The following COG5 variants were observed in gnomAD, a reference collection of about 807,000 sequenced individuals.
COG5 encodes component of oligomeric golgi complex 5.
A neutral mutation model predicts 110.4 loss-of-function variants in COG5; 86 were observed. The observed-to-expected ratio is 0.78, with a 90% confidence interval of 0.65 to 0.93. The LOEUF (loss-of-function observed/expected upper bound fraction) is 0.93, where lower values mean the gene tolerates loss of function less well. Ranked by LOEUF, COG5 falls within the 40% of genes least tolerant of loss-of-function variation. The probability of loss-of-function intolerance (pLI) is 0.00; values close to 1 mark genes in which losing one functional copy is unlikely to be tolerated. For missense variants in COG5, 1,077 were observed against 987.0 expected (o/e 1.09, Z -1.22); for synonymous variants, 360 against 334.6 (o/e 1.08, Z -0.83).
chr7:107,525,697 C>A (rs1047885420), intron 6 of COG5, among the ~76,000 whole-genome samples: 7 of 152,092 alleles, frequency 4.6e-5, no homozygotes, highest in Non-Finnish European at 1.0e-4. Context: ...AGACTGCAGG[C>A]ACATGCTATG....
intron 16 of COG5, among the ~76,000 whole-genome samples, chr7:107,252,438 T>C (rs1210120003): frequency 1.3e-5 from 2 of 152,092 alleles, no homozygotes; most frequent in African/African-American, 4.8e-5. Flanking sequence ...CAGACCCAGA[T>C]AGCTTCACTG....
At chr7:107,234,570 T>C (rs1239520778) in intron 18 of COG5, among the ~76,000 whole-genome samples, 1 of 152,090 alleles carries the variant, frequency 6.6e-6, no homozygotes, top group Non-Finnish European at 1.5e-5. Flanking sequence ...CCTACAGCAC[T>C]CTCGTTTTGG....
intron 14 of COG5, among the ~76,000 whole-genome samples, chr7:107,276,097 G>T (rs1804684926): frequency 6.6e-6 from 1 of 152,046 alleles, no homozygotes; most frequent in Non-Finnish European, 1.5e-5. Flanking sequence ...CAAATGGTCT[G>T]CAACCTGATT....
intron 2 of COG5, among the ~76,000 whole-genome samples, chr7:107,556,706 T>C (rs1000091198): frequency 1.3e-5 from 2 of 152,150 alleles, no homozygotes. Context: ...AGCCAAGAAA[T>C]GTATTCTATT....
intron 19 of COG5, among the ~76,000 whole-genome samples, chr7:107,225,696 A>C (rs1800283569): frequency 1.3e-5 from 2 of 152,132 alleles, no homozygotes; most frequent in Admixed American, 6.5e-5. Context: ...TATCTTTTGT[A>C]AAGACAGAGT....
chr7:107,346,303 G>A (rs189030433), intron 10 of COG5, among the ~76,000 whole-genome samples: 109 of 152,186 alleles, frequency 7.2e-4, no homozygotes, highest in African/African-American at 2.5e-3. Flanking sequence ...GATATTTTCT[G>A]TTAATATTTC....
chr7:107,464,754 T>C (rs1312938524), intron 6 of COG5, among the ~76,000 whole-genome samples: 1 of 152,130 alleles, frequency 6.6e-6, no homozygotes, highest in African/African-American at 2.4e-5. Flanking sequence ...TTACCCATGA[T>C]GCAGCAAGCA....
At chr7:107,458,850 A>T (rs1281767128) in intron 6 of COG5, among the ~76,000 whole-genome samples, 1 of 152,040 alleles carries the variant, frequency 6.6e-6, no homozygotes, top group African/African-American at 2.4e-5. Flanking sequence ...CAGAGTGAGA[A>T]TTCATGTATT....
intron 6 of COG5, among the ~76,000 whole-genome samples, chr7:107,505,450 T>C (rs1272513757): frequency 6.6e-6 from 1 of 152,184 alleles, no homozygotes; most frequent in Non-Finnish European, 1.5e-5. Context: ...TCTCATGCAA[T>C]CCTGCACTTG....
chr7:107,479,611 G>C (rs192863662), intron 6 of COG5, among the ~76,000 whole-genome samples: 1 of 152,106 alleles, frequency 6.6e-6, no homozygotes, highest in Non-Finnish European at 1.5e-5. Context: ...ATGACCATAA[G>C]GAAGACCATA....
At chr7:107,377,513 A>G (rs1814738069) in intron 7 of COG5, among the ~76,000 whole-genome samples, 1 of 152,060 alleles carries the variant, frequency 6.6e-6, no homozygotes, top group Non-Finnish European at 1.5e-5. Context: ...TAATCTTGTT[A>G]AGTAACTAAA....
At chr7:107,449,927 T>A (rs1795234381) in intron 6 of COG5, among the ~76,000 whole-genome samples, 1 of 152,194 alleles carries the variant, frequency 6.6e-6, no homozygotes, top group African/African-American at 2.4e-5. Flanking sequence ...CAAGAAATAG[T>A]GAGGTCATAT....
intron 12 of COG5, among the ~76,000 whole-genome samples, chr7:107,293,571 C>T (rs1380300609): frequency 3.3e-5 from 5 of 152,108 alleles, no homozygotes; most frequent in Non-Finnish European, 7.4e-5. Flanking sequence ...TTCTGGACTC[C>T]AACTTAAATG....
chr7:107,390,520 G>T (rs1272439721), intron 7 of COG5, among the ~76,000 whole-genome samples: 1 of 151,948 alleles, frequency 6.6e-6, no homozygotes, highest in East Asian at 1.9e-4. Context: ...CCACAGTTGG[G>T]ATGAGGTGAA....
At chr7:107,310,846 C>A (rs1354384818) in intron 11 of COG5, among the ~76,000 whole-genome samples, 1 of 152,056 alleles carries the variant, frequency 6.6e-6, no homozygotes, top group East Asian at 1.9e-4. Flanking sequence ...GTGGTATTTC[C>A]CTCAGTTTAT....
intron 14 of COG5, among the ~76,000 whole-genome samples, chr7:107,277,568 T>A (rs967917107): frequency 6.6e-6 from 1 of 152,228 alleles, no homozygotes; most frequent in Non-Finnish European, 1.5e-5. Flanking sequence ...TCTATATTAC[T>A]CATGCTATTA....
At chr7:107,393,964 T>G (rs976902426) in intron 7 of COG5, among the ~76,000 whole-genome samples, 1 of 146,088 alleles carries the variant, frequency 6.8e-6, no homozygotes, top group African/African-American at 2.5e-5. Flanking sequence ...AGATATTTAT[T>G]ATTATTTTTT....
rs991018522 is a variant in COG5, at chr7:107,557,782, G to A, written c.234+194C>T. 2.0e-4 allele frequency among the ~76,000 whole-genome samples: 30 copies of A among 152,270 alleles called. 1 individual carries two copies. The highest frequency in any genetic ancestry group is 8.3e-4 in the South Asian group (4 of 4,828). On this transcript the variant is annotated intron_variant, in intron 2 of 21. Coordinates refer to ENST00000297135, the MANE Select transcript of COG5 (RefSeq NM_006348.5). ...AAGTATGAATGAAAGGCTTTGGTGA[G>A]GTGGTATATTAGTTTTTCCACAAAC...
In COG5 at chr7:107,509,315, A is replaced by T. The variant is rs984802665; in HGVS notation, c.538+17922T>A. 2.6e-5 allele frequency among the ~76,000 whole-genome samples: 4 copies of T among 152,326 alleles called. No homozygotes were observed. The South Asian group carries it at 6.2e-4, about 24-fold the overall frequency. The stretch of plus-strand genomic sequence containing the variant: ...GGTACCAGTGATGGAAGACGAAATG[A>T]ATGAACTGAAGCGAGAAGGGAAGTT... On this transcript the variant is annotated intron_variant, in intron 6 of 21. Transcript: ENST00000297135.
Sources: allele counts gnomAD v4.1 joint callset (sites outside exome capture counted in the v4.1 genomes callset), GRCh38; gene constraint gnomAD v4.1.1; transcripts MANE v1.5; gene names NCBI Gene and HGNC (gene_info 2026-07-23, HGNC 2026-07-21).